PPIL6: variants seen among roughly 807,000 people sequenced by gnomAD.
PPIL6 encodes the protein probable inactive peptidyl-prolyl cis-trans isomerase-like 6.
Under a neutral mutation model 36.8 loss-of-function variants are expected in PPIL6, and 39 were observed. That is an observed-to-expected ratio of 1.06 (90% CI 0.82 to 1.38). PPIL6 has a LOEUF of 1.38. Among genes scored for constraint, PPIL6 ranks in the 40% most tolerant of loss-of-function variants. The probability of loss-of-function intolerance (pLI) is 0.00; values close to 1 mark genes in which losing one functional copy is unlikely to be tolerated. For missense variants in PPIL6, 368 were observed against 379.1 expected (o/e 0.97, Z 0.24); for synonymous variants, 123 against 134.1 (o/e 0.92, Z 0.57).
At chr6:109,437,318 T>C (rs1022679281) in intron 1 of PPIL6, among the ~76,000 whole-genome samples, 3 of 152,174 alleles carry the variant, frequency 2.0e-5, no homozygotes, top group Admixed American at 2.0e-4. Flanking sequence ...GGAGGTCCTG[T>C]CATGGTCCAA....
At chr6:109,415,232 A>G (rs1478392249) in intron 6 of PPIL6, among the ~76,000 whole-genome samples, 2 of 152,242 alleles carry the variant, frequency 1.3e-5, no homozygotes, top group East Asian at 3.8e-4. Context: ...CAATGTTTCC[A>G]TACAGTATCA....
At chr6:109,415,325 G>C (rs970267060) in intron 6 of PPIL6, among the ~76,000 whole-genome samples, 1 of 152,154 alleles carries the variant, frequency 6.6e-6, no homozygotes, top group Non-Finnish European at 1.5e-5. Flanking sequence ...AAGTAGTCTT[G>C]AGTAACTGGA....
At chr6:109,416,037 C>T (rs1169132811) in intron 6 of PPIL6, among the ~76,000 whole-genome samples, 1 of 152,088 alleles carries the variant, frequency 6.6e-6, no homozygotes. Flanking sequence ...CCTTTTTGTA[C>T]AACCAAAAGG....
chr6:109,408,846 G>A (rs1772900371), intron 6 of PPIL6, among the ~76,000 whole-genome samples: 1 of 151,860 alleles, frequency 6.6e-6, no homozygotes, highest in African/African-American at 2.4e-5. Context: ...TCCTCCTGAG[G>A]GAATACTTCT....
At chr6:109,423,882 T>C (rs1415529673) in intron 5 of PPIL6, among the ~76,000 whole-genome samples, 2 of 152,214 alleles carry the variant, frequency 1.3e-5, no homozygotes, top group Non-Finnish European at 2.9e-5. Context: ...TTACACTCTC[T>C]TCCTTCTTTT....
intron 7 of PPIL6, among the ~76,000 whole-genome samples, chr6:109,397,954 C>T (rs1352146200): frequency 1.3e-5 from 2 of 150,706 alleles, no homozygotes; most frequent in African/African-American, 2.4e-5. Flanking sequence ...TGCAGTGGTG[C>T]GATCTCGGCT....
Position 109,398,128 on chromosome 6 carries a change from G to T in PPIL6, c.824+1907C>A, listed in dbSNP as rs796697363. Among the ~76,000 whole-genome samples, 6 of 152,274 alleles carry T rather than the reference G, an allele frequency of 3.9e-5. 1 individual carries two copies. Among genetic ancestry groups the T allele is most frequent in the African/African-American group, 1.4e-4 (6 of 41,558 alleles). On this transcript the variant is annotated intron_variant, in intron 7 of 7. Transcript: ENST00000521072. ...GATGGTCTTGAACTCCTGACCTCAT[G>T]ATCTACCCGCCTTGGCCTCCCAAAG...
At chr6:109,441,084 G>C, upstream of PPIL6, 1 of 1,612,372 alleles carries the variant, frequency 6.2e-7, no homozygotes, top group East Asian at 2.2e-5. Flanking sequence ...CGTCGCTGGA[G>C]AGTTCGAGCC....
In PPIL6 at chr6:109,436,158, T is replaced by C; in HGVS notation, c.177A>G (p.Ile59Met). The C allele has an allele frequency of 6.3e-7, 1 of 1,584,356 alleles. No individual in the cohort carries two copies. The highest frequency in any genetic ancestry group is 8.7e-7 in the Non-Finnish European group (1 of 1,153,352). ...ATGCAAATTCTTGAAGAGGAACTAA[T>C]ATAGGATCTTCAAATTTGGATGGAT... ...NNHPSKFEDP[I>M]LVPLQEFAWH... The change falls in exon 2 of 8, where the codon ATA becomes ATG. Residue 59 changes from isoleucine to methionine, a missense_variant. Ile to Met is a conservative substitution (Grantham distance 10, BLOSUM62 1). Coordinates refer to ENST00000521072, the MANE Select transcript of PPIL6 (RefSeq NM_173672.5).
intron 3 of PPIL6, among the ~76,000 whole-genome samples, chr6:109,428,528 G>A (rs533514681): frequency 4.7e-4 from 69 of 148,286 alleles, no homozygotes; most frequent in African/African-American, 1.7e-3. Flanking sequence ...ACTACAGCCT[G>A]GGTGACAGAG....
intron 5 of PPIL6, among the ~76,000 whole-genome samples, chr6:109,420,237 G>T (rs1773469742): frequency 6.7e-6 from 1 of 148,854 alleles, no homozygotes; most frequent in Non-Finnish European, 1.5e-5. Context: ...GGAGGCTGAG[G>T]CAGGAGAATT....
intron 2 of PPIL6, among the ~76,000 whole-genome samples, chr6:109,435,092 C>G (rs1426826455): frequency 2.0e-5 from 3 of 152,154 alleles, no homozygotes; most frequent in African/African-American, 7.2e-5. Context: ...CCCTGGCTGT[C>G]TCTGTGATGT....
chr6:109,401,167 T>C (rs1772521401), intron 6 of PPIL6, among the ~76,000 whole-genome samples: 1 of 151,856 alleles, frequency 6.6e-6, no homozygotes, highest in African/African-American at 2.4e-5. Flanking sequence ...TAAGCCACCG[T>C]GCCTGGCCAA....
chr6:109,415,903 G>T (rs925085659), intron 6 of PPIL6, among the ~76,000 whole-genome samples: 1 of 152,082 alleles, frequency 6.6e-6, no homozygotes, highest in Admixed American at 6.6e-5. Flanking sequence ...GGTGGCCAGG[G>T]GCATCATTGT....
chr6:109,420,482 G>A (rs1415728649), intron 5 of PPIL6, among the ~76,000 whole-genome samples: 2 of 151,788 alleles, frequency 1.3e-5, no homozygotes, highest in Admixed American at 6.6e-5. Context: ...AATGTAACAA[G>A]GTTTTTTTCA....
chr6:109,430,633 G>C (rs902363084), intron 3 of PPIL6, among the ~76,000 whole-genome samples: 3 of 152,158 alleles, frequency 2.0e-5, no homozygotes, highest in African/African-American at 7.2e-5. Context: ...CACCGTGTTG[G>C]CCAGGATGGT....
Position 109,435,894 on chromosome 6 carries a change from C to T in PPIL6, c.231+210G>A, listed in dbSNP as rs527247533. Among the ~76,000 whole-genome samples, 14 of 152,288 alleles carry T rather than the reference C, an allele frequency of 9.2e-5. 1 individual carries two copies. The South Asian group carries it at 2.9e-3, about 32-fold the overall frequency. ...GAGCCAAGATCGCCCCACTGCACTC[C>T]AGCCTGGGTAACAGAGTGAGACCCT... On this transcript the variant is annotated intron_variant, in intron 2 of 7. Coordinates refer to ENST00000521072, the MANE Select transcript of PPIL6 (RefSeq NM_173672.5).
intron 6 of PPIL6, among the ~76,000 whole-genome samples, chr6:109,400,638 G>GT: frequency 6.6e-6 from 1 of 152,174 alleles, no homozygotes; most frequent in Middle Eastern, 3.4e-3. Flanking sequence ...AACACTCGAT[G>GT]TAATTATTGG....
intron 6 of PPIL6, among the ~76,000 whole-genome samples, chr6:109,401,930 T>TCC (rs1772564743): frequency 6.6e-6 from 1 of 151,942 alleles, no homozygotes; most frequent in Admixed American, 6.6e-5. Flanking sequence ...TCACCGTGTT[T>TCC]GCTAGGATGG....
Sources: gnomAD v4.1 joint callset for allele counts (sites outside exome capture counted in the v4.1 genomes callset) on GRCh38, gnomAD v4.1.1 for gene constraint, MANE v1.5 for transcripts, NCBI Gene and HGNC (gene_info 2026-07-23, HGNC 2026-07-21) for gene names.